Variants in EDEM3 observed in about 807,000 individuals in gnomAD.
EDEM3 encodes ER degradation-enhancing alpha-mannosidase-like protein 3.
A neutral mutation model predicts 110.2 loss-of-function variants in EDEM3; 60 were observed. The ratio of observed to expected loss-of-function variants is 0.54; its 90% CI spans 0.44 to 0.67. EDEM3 has a LOEUF of 0.67. Ranked by LOEUF, EDEM3 falls within the 30% of genes least tolerant of loss-of-function variation. The pLI, the probability that EDEM3 is intolerant of heterozygous loss-of-function variation, is 0.00. For synonymous variants in EDEM3, 352 were observed against 382.9 expected (o/e 0.92, Z 0.94); for missense variants, 996 against 1,121.0 (o/e 0.89, Z 1.59).
intron 19 of EDEM3, among the ~76,000 whole-genome samples, chr1:184,701,161 G>A (rs1649599675): frequency 2.0e-5 from 3 of 151,912 alleles, no homozygotes; most frequent in Non-Finnish European, 2.9e-5. Context: ...ACACACACAT[G>A]AGCTTTTAAA....
chr1:184,732,726 T>A (rs1651594611), intron 6 of EDEM3, 111 bp downstream of exon 6: 1 of 1,013,094 alleles, frequency 9.9e-7, no homozygotes, highest in Non-Finnish European at 1.4e-6. Context: ...CTTTGAAGCA[T>A]TTTTTTTTCA....
chr1:184,744,249 AAT>A (rs55959890), intron 2 of EDEM3, among the ~76,000 whole-genome samples: 4,080 of 86,288 alleles, frequency 0.047, 65 homozygotes, highest in African/African-American at 0.058. Context: ...ACAAATGACA[AAT>A]ATATATATAT....
chr1:184,726,227 A>G (rs1310098749), intron 7 of EDEM3, 28 bp downstream of exon 7: 1 of 1,609,980 alleles, frequency 6.2e-7, no homozygotes, highest in East Asian at 2.2e-5. Context: ...CCCAATACCC[A>G]GGATATCAAA....
chr1:184,732,173 T>TA, intron 6 of EDEM3, among the ~76,000 whole-genome samples: 1 of 148,278 alleles, frequency 6.7e-6, no homozygotes, highest in South Asian at 2.2e-4. Flanking sequence ...GAGACTCCAT[T>TA]CCCCCCCACC....
At chr1:184,739,686 T>C (rs1326331767) in intron 2 of EDEM3, among the ~76,000 whole-genome samples, 1 of 152,196 alleles carries the variant, frequency 6.6e-6, no homozygotes, top group Non-Finnish European at 1.5e-5. Context: ...GTTATTTTAA[T>C]AATGACCATG....
chr1:184,699,937 A>C (rs1390601185), intron 19 of EDEM3, among the ~76,000 whole-genome samples: 2 of 151,948 alleles, frequency 1.3e-5, no homozygotes, highest in African/African-American at 4.8e-5. Flanking sequence ...TTGGACCTAA[A>C]GGTAACAAAA....
At chr1:184,713,324 G>C (rs145889280) in intron 13 of EDEM3, among the ~76,000 whole-genome samples, 1 of 152,216 alleles carries the variant, frequency 6.6e-6, no homozygotes, top group African/African-American at 2.4e-5. Context: ...CACGGGCTAT[G>C]ATTATAACAT....
In EDEM3 at chr1:184,701,447, A is replaced by T. The variant is rs779538543; in HGVS notation, c.2389+1364T>A. The T allele has an allele frequency of 2.2e-5, 26 of 1,155,686 alleles. No individual in the cohort carries two copies. The South Asian group carries it at 3.7e-4, about 16-fold the overall frequency. 71.6% of individuals were successfully genotyped at this position (1,155,686 alleles called of 1,614,324 possible). A position where few individuals can be genotyped will look rare whatever the true frequency, so the allele number is the denominator to read the frequency against. On this transcript the variant is annotated intron_variant, in intron 19 of 19. Transcript: ENST00000318130. ...ACTTGAGTGTGTGTACACACACCCA[A>T]ATACATATATACGTATATAATTTAA...
chr1:184,694,609 C>A, intron 19 of EDEM3, 137 bp from the exon 20 acceptor site: 1 of 822,208 alleles, frequency 1.2e-6, no homozygotes, highest in Non-Finnish European at 1.8e-6. Context: ...AGGTGAGCAT[C>A]AGCACTGAAA....
At chr1:184,733,721 G>A (rs527877914) in intron 5 of EDEM3, among the ~76,000 whole-genome samples, 4 of 151,656 alleles carry the variant, frequency 2.6e-5, no homozygotes, top group Admixed American at 6.6e-5. Flanking sequence ...CCAGCTACTC[G>A]GGAGGCTGAG....
chr1:184,751,627 A>T (rs991914836), intron 1 of EDEM3, among the ~76,000 whole-genome samples: 4 of 152,224 alleles, frequency 2.6e-5, no homozygotes, highest in Non-Finnish European at 5.9e-5. Flanking sequence ...ATGGTATAAT[A>T]ATTACTATAC....
At chr1:184,749,945 G>A (rs1260096151) in intron 1 of EDEM3, among the ~76,000 whole-genome samples, 1 of 152,162 alleles carries the variant, frequency 6.6e-6, no homozygotes, top group Non-Finnish European at 1.5e-5. Context: ...TAACGTATCT[G>A]TCTTGAAGCG....
chr1:184,717,348 G>GA (rs372352939), intron 12 of EDEM3, among the ~76,000 whole-genome samples, 192 bp downstream of exon 12: 1 of 151,714 alleles, frequency 6.6e-6, no homozygotes, highest in Non-Finnish European at 1.5e-5. Flanking sequence ...ATTTTTTAAA[G>GA]AAAAAAACCT....
rs1269506487 is a variant in EDEM3 at position 184,701,598 on chromosome 1, G to A, written c.2389+1213C>T. 6 of 1,165,648 alleles carry A rather than the reference G, an allele frequency of 5.1e-6. No individual in the cohort carries two copies. In the East Asian group the frequency reaches 3.5e-4, roughly 68 times the overall value. 72.2% of individuals were successfully genotyped at this position (1,165,648 alleles called of 1,614,324 possible). A position where few individuals can be genotyped will look rare whatever the true frequency, so the allele number is the denominator to read the frequency against. On this transcript the variant is annotated intron_variant, in intron 19 of 19. Coordinates refer to ENST00000318130, the MANE Select transcript of EDEM3 (RefSeq NM_025191.4). ...GGGGAAAAAAAGCAAATGCATTAAA[G>A]AGTTACAAGAAATAATAATTTGCCT...
In EDEM3 at chr1:184,731,542, G is replaced by A. The variant is rs189406395; in HGVS notation, c.612+1295C>T. Among the ~76,000 whole-genome samples the A allele has an allele frequency of 3.5e-3, 537 of 152,074 alleles. 2 individuals are homozygous for A. Among genetic ancestry groups the A allele is most frequent in the Admixed American group, 6.6e-3 (101 of 15,280 alleles). On this transcript the variant is annotated intron_variant, in intron 6 of 19. Coordinates refer to ENST00000318130, the MANE Select transcript of EDEM3 (RefSeq NM_025191.4). ...AATACTGTACACTACACTACTTCAC[G>A]GTTCTCCTCTTAAATCTCTGTGTAC...
chr1:184,723,979 A>T lies in EDEM3; in HGVS notation c.748-123T>A, dbSNP rs549301568. The T allele has an allele frequency of 1.2e-5, 8 of 671,758 alleles. No individual in the cohort carries two copies. In the African/African-American group the frequency reaches 1.5e-4, roughly 13 times the overall value. The allele number at this position is 671,758 out of a possible 1,614,324, so 41.6% of individuals were successfully genotyped here. On this transcript the variant is annotated intron_variant, in intron 7 of 19. Coordinates refer to ENST00000318130, the MANE Select transcript of EDEM3 (RefSeq NM_025191.4). ...ATAGGATATTTTAAGAATTAGGTTA[A>T]ATTTCTAAGATAACTATTTATAAAC... is the stretch of plus-strand genomic sequence containing the variant.
chr1:184,692,091 C>T lies in EDEM3; in HGVS notation c.*1972G>A, dbSNP rs1275765008. ...CAAAATCAAATCCATGTATATAAGG[C>T]TTCTGTAATCGATGTCTTAGAGGAA... On this transcript the variant is annotated 3_prime_UTR_variant, in exon 20 of 20. Coordinates refer to ENST00000318130, the MANE Select transcript of EDEM3 (RefSeq NM_025191.4). 1.3e-5 allele frequency: 2 copies of T among 152,096 alleles called. No homozygotes were observed. Among genetic ancestry groups the T allele is most frequent in the African/African-American group, 2.4e-5 (1 of 41,436 alleles). 9.4% of individuals were successfully genotyped at this position (152,096 alleles called of 1,614,324 possible). A position where few individuals can be genotyped will look rare whatever the true frequency, so the allele number is the denominator to read the frequency against.
chr1:184,701,315 T>C (rs1649607236), intron 19 of EDEM3, among the ~76,000 whole-genome samples: 1 of 152,066 alleles, frequency 6.6e-6, no homozygotes, highest in South Asian at 2.1e-4. Flanking sequence ...GATGTATAAT[T>C]ATTAGAATTT....
rs1256312768 is a variant in EDEM3 at position 184,708,168 on chromosome 1, C to T, written c.2022G>A (p.Leu674=). Residue 674 remains leucine, a synonymous_variant, in exon 17 of 20, where the codon CTG becomes CTA. Coordinates refer to ENST00000318130, the MANE Select transcript of EDEM3 (RefSeq NM_025191.4). ...TAGPAQFGLD[L]SKHKETRGFV... Reference sequence around the variant, plus strand: ...GTATACATACCTCTTTATGTTTAGACAGATCCAGCCCAAACTGAGCTGGTC... The same window carrying T: ...GTATACATACCTCTTTATGTTTAGATAGATCCAGCCCAAACTGAGCTGGTC... 1.2e-6 allele frequency: 2 copies of T among 1,612,626 alleles called. No homozygotes were observed. Among genetic ancestry groups the T allele is most frequent in the African/African-American group, 1.3e-5 (1 of 74,934 alleles).
Sources: gnomAD v4.1 joint callset for allele counts (sites outside exome capture counted in the v4.1 genomes callset) on GRCh38, gnomAD v4.1.1 for gene constraint, MANE v1.5 for transcripts, NCBI Gene and HGNC (gene_info 2026-07-23, HGNC 2026-07-21) for gene names.